ADRA1B: variants seen among roughly 807,000 people sequenced by gnomAD.
ADRA1B encodes the protein alpha-1B adrenergic receptor.
ADRA1B carries 17 observed loss-of-function variants against 17.9 expected under a neutral mutation model. That is an observed-to-expected ratio of 0.95 (90% CI 0.65 to 1.42). The LOEUF (loss-of-function observed/expected upper bound fraction) is 1.42, where lower values mean the gene tolerates loss of function less well. Among genes scored for constraint, ADRA1B ranks in the 40% most tolerant of loss-of-function variants. The probability of loss-of-function intolerance (pLI) is 0.00; values close to 1 mark genes in which losing one functional copy is unlikely to be tolerated. For synonymous variants in ADRA1B, 366 were observed against 327.6 expected (o/e 1.12, Z -1.27); for missense variants, 681 against 722.1 (o/e 0.94, Z 0.65).
At position 159,882,366 on chromosome 5, in the gene ADRA1B, G is replaced by A. The variant is rs114084804; in HGVS notation, c.-256+17160G>A. On this transcript the variant is annotated intron_variant, in intron 1 of 2. Transcript: ENST00000641205. ...TTCCACCCACCAGCATCCTCTGGCA[G>A]CAGTGCAATCCTGCTGTTCTTAGCT... Among the ~76,000 whole-genome samples, 854 of 152,272 alleles carry A rather than the reference G, an allele frequency of 5.6e-3. 9 individuals are homozygous for A. Among genetic ancestry groups the A allele is most frequent in the African/African-American group, 0.02 (812 of 41,556 alleles).
At chr5:159,947,109 G>C (rs1581058344) in intron 1 of ADRA1B, among the ~76,000 whole-genome samples, 1 of 152,192 alleles carries the variant, frequency 6.6e-6, no homozygotes. Flanking sequence ...GGGAGGCCGA[G>C]GTGGGCAGAT....
chr5:159,939,312 T>TGC (rs1267029087), intron 1 of ADRA1B, among the ~76,000 whole-genome samples: 7 of 133,556 alleles, frequency 5.2e-5, no homozygotes, highest in Admixed American at 4.5e-4. Context: ...TGTGTGTGTG[T>TGC]GTGTGTGTGT....
chr5:159,972,314 C>T lies in ADRA1B; in HGVS notation c.1385C>T (p.Pro462Leu). The stretch of plus-strand genomic sequence containing the variant: ...CTGAGCCTGCCCGCGCCTGAGCCCC[C>T]CGGCCGCCGCGGCCGCCACGACTCG... ...ALLSLPAPEP[P>L]GRRGRHDSGP... The change falls in exon 2 of 2, where the codon CCC becomes CTC. Residue 462 changes from proline to leucine, a missense_variant. Pro to Leu is a moderately conservative substitution (Grantham distance 98). Transcript: ENST00000306675. 2.1e-6 allele frequency: 3 copies of T among 1,432,352 alleles called. No homozygotes were observed. The highest frequency in any genetic ancestry group is 2.7e-6 in the Non-Finnish European group (3 of 1,098,310). 88.7% of individuals were successfully genotyped at this position (1,432,352 alleles called of 1,614,324 possible).
intron 1 of ADRA1B, among the ~76,000 whole-genome samples, chr5:159,942,182 A>C (rs1007857189): frequency 6.6e-6 from 1 of 152,014 alleles, no homozygotes; most frequent in East Asian, 1.9e-4. Flanking sequence ...TCGGCCTCCC[A>C]AAGTGCTGGG....
chr5:159,967,124 T>TTG (rs1437340541), intron 1 of ADRA1B, among the ~76,000 whole-genome samples: 1 of 152,198 alleles, frequency 6.6e-6, no homozygotes, highest in African/African-American at 2.4e-5. Flanking sequence ...ACTCTAGACT[T>TTG]AACAGATTTT....
intron 1 of ADRA1B, among the ~76,000 whole-genome samples, chr5:159,909,565 T>C (rs1439109969): frequency 6.6e-6 from 1 of 152,240 alleles, no homozygotes; most frequent in African/African-American, 2.4e-5. Context: ...TGTATTTATT[T>C]CCTTATTTAA....
At chr5:159,944,666 CAT>C (rs1305151857) in intron 1 of ADRA1B, among the ~76,000 whole-genome samples, 1 of 151,798 alleles carries the variant, frequency 6.6e-6, no homozygotes, top group African/African-American at 2.4e-5. Context: ...CTAAGTGCCT[CAT>C]ATATGTTACC....
At chr5:159,971,796 G>T (rs1370347699) in intron 1 of ADRA1B, 83 bp from the exon 2 acceptor site, 2 of 1,290,008 alleles carry the variant, frequency 1.6e-6, no homozygotes, top group Non-Finnish European at 2.0e-6. Flanking sequence ...TGACAATGTT[G>T]AGGAGAAGCA....
chr5:159,930,362 G>T (rs1007765778), intron 1 of ADRA1B, among the ~76,000 whole-genome samples: 1 of 152,250 alleles, frequency 6.6e-6, no homozygotes, highest in Admixed American at 6.5e-5. Context: ...GGGCGCGGTG[G>T]CTCATGCCTG....
At chr5:159,874,461 G>A (rs1339065186) in intron 1 of ADRA1B, among the ~76,000 whole-genome samples, 1 of 152,068 alleles carries the variant, frequency 6.6e-6, no homozygotes, top group Non-Finnish European at 1.5e-5. Context: ...ACCTTCTTAG[G>A]TGTCAGTGCA....
chr5:159,920,803 A>G (rs1006784054), intron 1 of ADRA1B, among the ~76,000 whole-genome samples: 4 of 152,318 alleles, frequency 2.6e-5, no homozygotes, highest in African/African-American at 9.6e-5. Flanking sequence ...GCAGCATGAT[A>G]TAGAACAATA....
rs62377698 is a variant in ADRA1B, at chr5:159,955,945, C to A, written c.950-15934C>A. ...TTGTCTCTCTCTCTCTCTCTGATTA[C>A]CAAAGAAATATTTGAGGCCAGGCAT... On this transcript the variant is annotated intron_variant, in intron 1 of 1. Transcript: ENST00000306675. 5.7e-3 allele frequency among the ~76,000 whole-genome samples: 872 copies of A among 152,214 alleles called. 4 individuals carry two copies. Among genetic ancestry groups the A allele is most frequent in the South Asian group, 0.029 (140 of 4,814 alleles).
intron 1 of ADRA1B, among the ~76,000 whole-genome samples, chr5:159,963,897 C>T (rs995848351): frequency 3.9e-5 from 6 of 152,208 alleles, no homozygotes; most frequent in South Asian, 2.1e-4. Flanking sequence ...CCCTCTAAAT[C>T]GCCCTTGGGC....
chr5:159,917,345 T>C lies in ADRA1B; in HGVS notation c.440T>C (p.Val147Ala), dbSNP rs547889992. 2.7e-5 allele frequency: 43 copies of C among 1,613,704 alleles called. No individual in the cohort carries two copies. The highest frequency in any genetic ancestry group is 1.6e-4 in the Middle Eastern group (1 of 6,062). Residue 147 changes from valine to alanine, a missense_variant, in exon 1 of 2, where the codon GTG (valine) becomes GCG (alanine). This residue lies in a region of ADRA1B where 424 missense variants were observed against 480.2 expected (regional missense o/e 0.88). Coordinates refer to ENST00000306675, the MANE Select transcript of ADRA1B (RefSeq NM_000679.4). ...ATCTCCATCGATCGCTACATCGGGG[T>C]GCGCTACTCTCTGCAGTATCCCACG... ...CAISIDRYIG[V>A]RYSLQYPTLV...
chr5:159,984,535 C>T, the ADRA1B span, among the ~76,000 whole-genome samples: 2 of 152,142 alleles, frequency 1.3e-5, no homozygotes, highest in African/African-American at 4.8e-5. Flanking sequence ...TCCTAACTAA[C>T]CTCTGTGCTT....
intron 1 of ADRA1B, among the ~76,000 whole-genome samples, chr5:159,900,640 G>A (rs1754090974): frequency 1.3e-5 from 2 of 152,224 alleles, no homozygotes; most frequent in Admixed American, 6.5e-5. Flanking sequence ...TAGCCCCTGA[G>A]GGAGAGAGAG....
intron 1 of ADRA1B, among the ~76,000 whole-genome samples, chr5:159,942,421 C>T (rs1419976921): frequency 1.3e-5 from 2 of 152,138 alleles, no homozygotes; most frequent in Non-Finnish European, 2.9e-5. Flanking sequence ...AAAGTCTATC[C>T]GTAAGCAGGT....
At chr5:159,951,112 C>T (rs1476594755) in intron 1 of ADRA1B, 18 of 743,072 alleles carry the variant, frequency 2.4e-5, no homozygotes, top group Non-Finnish European at 3.5e-5. Context: ...CCATCACGAA[C>T]ATGGGGGCAT....
rs116258303 is a variant in ADRA1B at position 159,972,944 on chromosome 5, A to C, written c.*452A>C. ...TCGTACCTCTCAAGCCCCTCCTTGT[A>C]CTTCACTGAAGGATGGCACTTTGGT... On this transcript the variant is annotated 3_prime_UTR_variant, in exon 2 of 2. Coordinates refer to ENST00000306675, the MANE Select transcript of ADRA1B (RefSeq NM_000679.4). Among the ~76,000 whole-genome samples, 62 of 152,250 alleles carry C rather than the reference A, an allele frequency of 4.1e-4. No individual in the cohort carries two copies. The highest frequency in any genetic ancestry group is 7.2e-4 in the Non-Finnish European group (49 of 68,008).
Sources: gnomAD v4.1 joint callset for allele counts (sites outside exome capture counted in the v4.1 genomes callset) on GRCh38, gnomAD v4.1.1 for gene constraint, gnomAD v4.1.1 regional missense constraint, MANE v1.5 for transcripts, NCBI Gene and HGNC (gene_info 2026-07-23, HGNC 2026-07-21) for gene names.